RPS6KC1: variants seen among roughly 807,000 people sequenced by gnomAD.
RPS6KC1 encodes the protein ribosomal protein S6 kinase C1, also known as inactive ribosomal protein S6 kinase delta-1.
A neutral mutation model predicts 103.8 loss-of-function variants in RPS6KC1; 54 were observed. The observed-to-expected ratio is 0.52, with a 90% CI of 0.42 to 0.65. RPS6KC1 has a LOEUF of 0.65. RPS6KC1 is among the 30% of genes least tolerant of loss of function. The probability of loss-of-function intolerance (pLI) is 0.00; values close to 1 mark genes in which losing one functional copy is unlikely to be tolerated. For missense variants in RPS6KC1, 1,151 were observed against 1,253.8 expected, an observed-to-expected ratio of 0.92 and a Z score of 1.24; for synonymous variants, 439 against 438.7, an observed-to-expected ratio of 1.00 and a Z score of -0.01.
At chr1:213,633,269 A>G in the RPS6KC1 span, among the ~76,000 whole-genome samples, 1 of 152,238 alleles carries the variant, frequency 6.6e-6, no homozygotes, top group South Asian at 2.1e-4. Flanking sequence ...GGTTGAAATG[A>G]AGGAAAAAAT....
In RPS6KC1 at chr1:213,051,989, T is replaced by C. The variant is rs574587926; in HGVS notation, c.105+480T>C. 2.6e-5 allele frequency among the ~76,000 whole-genome samples: 4 copies of C among 152,314 alleles called. No homozygotes were observed. In the East Asian group the frequency reaches 7.7e-4, roughly 29 times the overall value. On this transcript the variant is annotated intron_variant, in intron 1 of 14. Transcript: ENST00000366960. Reference sequence around the variant, plus strand: ...AGATGTCAGTGTTAGGCCACCAACCTAGGAACTGTGGATCCGGGCTTTGTC... The same window carrying C: ...AGATGTCAGTGTTAGGCCACCAACCCAGGAACTGTGGATCCGGGCTTTGTC...
rs559958255 is a variant in RPS6KC1, at chr1:213,229,310, T to G, written c.1045-1187T>G. On this transcript the variant is annotated intron_variant, in intron 8 of 14. Coordinates refer to ENST00000366960, the MANE Select transcript of RPS6KC1 (RefSeq NM_012424.6). ...TCTCACCTTTTAAAAATTCTTCTAT[T>G]TTTTTCAAGCTTAACATCTTTTTTT... is the stretch of plus-strand genomic sequence containing the variant. 1.4e-3 allele frequency among the ~76,000 whole-genome samples: 219 copies of G among 152,344 alleles called. 1 individual carries two copies. Among genetic ancestry groups the G allele is most frequent in the Non-Finnish European group, 2.6e-3 (174 of 68,028 alleles).
chr1:213,495,669 G>A, the RPS6KC1 span, among the ~76,000 whole-genome samples: 2 of 152,238 alleles, frequency 1.3e-5, no homozygotes, highest in Admixed American at 6.5e-5. Flanking sequence ...GAGAAGTTAA[G>A]TAACTTACCT....
At chr1:213,163,508 T>C (rs770901623) in intron 6 of RPS6KC1, among the ~76,000 whole-genome samples, 1 of 152,182 alleles carries the variant, frequency 6.6e-6, no homozygotes, top group Non-Finnish European at 1.5e-5. Context: ...TTTCAAGATG[T>C]TTAAATTGGC....
At chr1:213,219,073 C>G (rs576666089) in intron 8 of RPS6KC1, among the ~76,000 whole-genome samples, 29 of 152,182 alleles carry the variant, frequency 1.9e-4, no homozygotes, top group Middle Eastern at 3.4e-3. Context: ...GAGTGAACAG[C>G]CAACCTACAG....
chr1:213,450,904 G>A, the RPS6KC1 span, among the ~76,000 whole-genome samples: 1 of 151,778 alleles, frequency 6.6e-6, no homozygotes, highest in South Asian at 2.1e-4. Context: ...GACCCCGGGA[G>A]GCGGATGTTG....
intron 2 of RPS6KC1, among the ~76,000 whole-genome samples, chr1:213,074,933 A>G (rs1008764050): frequency 1.5e-5 from 2 of 136,788 alleles, no homozygotes; most frequent in Non-Finnish European, 3.0e-5. Flanking sequence ...GCTCACTGCA[A>G]ACTCCGCCTC....
At chr1:213,725,529 T>G in the RPS6KC1 span, among the ~76,000 whole-genome samples, 1 of 152,214 alleles carries the variant, frequency 6.6e-6, no homozygotes, top group Admixed American at 6.5e-5. Context: ...TGGCGTGGCC[T>G]CCCTCTTGCC....
At chr1:213,162,194 A>T (rs1221667546) in intron 6 of RPS6KC1, among the ~76,000 whole-genome samples, 3 of 152,190 alleles carry the variant, frequency 2.0e-5, no homozygotes, top group Admixed American at 2.0e-4. Flanking sequence ...ACATAAGAGA[A>T]ACTTAAGGGA....
the RPS6KC1 span, among the ~76,000 whole-genome samples, chr1:213,491,863 C>T: frequency 3.3e-5 from 5 of 152,136 alleles, no homozygotes; most frequent in East Asian, 1.9e-4. Flanking sequence ...TGAGTCTCCA[C>T]GTTTTGGGTT....
chr1:213,546,072 G>A, the RPS6KC1 span, among the ~76,000 whole-genome samples: 3 of 152,164 alleles, frequency 2.0e-5, no homozygotes, highest in Admixed American at 6.5e-5. Flanking sequence ...CACCTGGACC[G>A]AAGCCCAGAA....
the RPS6KC1 span, among the ~76,000 whole-genome samples, chr1:213,283,134 C>A: frequency 6.6e-6 from 1 of 152,178 alleles, no homozygotes; most frequent in Non-Finnish European, 1.5e-5. Context: ...AACCTCTACT[C>A]GCTCCGTACA....
chr1:213,289,694 C>T, the RPS6KC1 span, among the ~76,000 whole-genome samples: 2 of 152,288 alleles, frequency 1.3e-5, no homozygotes, highest in Middle Eastern at 6.8e-3. Context: ...TCTATCTACT[C>T]TATGAGGAAA....
At chr1:213,138,232 T>A (rs1056656453) in intron 6 of RPS6KC1, among the ~76,000 whole-genome samples, 2 of 152,204 alleles carry the variant, frequency 1.3e-5, no homozygotes, top group Non-Finnish European at 2.9e-5. Flanking sequence ...TATTCATTTA[T>A]GTACAGGCTT....
chr1:213,298,238 G>A, the RPS6KC1 span, among the ~76,000 whole-genome samples: 34 of 152,316 alleles, frequency 2.2e-4, no homozygotes, highest in African/African-American at 7.2e-4. Context: ...ACATTTTTGC[G>A]TGTATCTTTT....
the RPS6KC1 span, among the ~76,000 whole-genome samples, chr1:213,445,464 A>G: frequency 1.3e-5 from 2 of 152,202 alleles, no homozygotes; most frequent in East Asian, 3.8e-4. Context: ...TTTTCTTTAC[A>G]GAAGTGACAT....
the RPS6KC1 span, among the ~76,000 whole-genome samples, chr1:213,856,638 A>G: frequency 6.6e-6 from 1 of 152,234 alleles, no homozygotes; most frequent in Non-Finnish European, 1.5e-5. Context: ...ATTTTTACTA[A>G]AGTTATACTC....
At chr1:213,333,238 G>T in the RPS6KC1 span, among the ~76,000 whole-genome samples, 2 of 152,198 alleles carry the variant, frequency 1.3e-5, no homozygotes, top group African/African-American at 4.8e-5. Context: ...GGTCTTGTAC[G>T]TTCCTTGTCC....
chr1:213,373,381 C>A, the RPS6KC1 span, among the ~76,000 whole-genome samples: 1 of 152,224 alleles, frequency 6.6e-6, no homozygotes, highest in Non-Finnish European at 1.5e-5. Flanking sequence ...CCAAGTACGG[C>A]ACGATGCATT....
Sources: gnomAD v4.1 joint callset for allele counts (sites outside exome capture counted in the v4.1 genomes callset) on GRCh38, gnomAD v4.1.1 for gene constraint, MANE v1.5 for transcripts, NCBI Gene and HGNC (gene_info 2026-07-23, HGNC 2026-07-21) for gene names.